KDM6A: variants seen among roughly 807,000 people sequenced by gnomAD.
KDM6A encodes the protein lysine-specific demethylase 6A.
Under a neutral mutation model 117.6 loss-of-function variants are expected in KDM6A, and 11 were observed. The observed-to-expected ratio is 0.09, with a 90% confidence interval of 0.06 to 0.15. KDM6A has a LOEUF of 0.15. KDM6A is among the 10% of genes least tolerant of loss of function. KDM6A has a pLI of 1.00. For synonymous variants in KDM6A, 384 were observed against 396.1 expected (o/e 0.97, Z 0.36); for missense variants, 799 against 1,077.3 (o/e 0.74, Z 3.62).
chrX:45,017,591 A>G (rs1320410518), intron 5 of KDM6A, among the ~76,000 whole-genome samples: 2 of 111,836 alleles, frequency 1.8e-5, no homozygotes, highest in African/African-American at 6.5e-5. Context: ...AGAACATGGA[A>G]AAGTTTAGAA....
In KDM6A at chrX:44,981,677, C is replaced by T. The variant is rs369216358; in HGVS notation, c.384+6962C>T. On this transcript the variant is annotated intron_variant, in intron 4 of 29. Transcript: ENST00000611820. Reference sequence around the variant, plus strand: ...TGCTTTGCTCTTTGCTGTGACCAGCCCCCATCCTGAAGCTACATAGGGGGC... The same window carrying T: ...TGCTTTGCTCTTTGCTGTGACCAGCTCCCATCCTGAAGCTACATAGGGGGC... 6.3e-5 allele frequency among the ~76,000 whole-genome samples: 7 copies of T among 111,509 alleles called. No homozygotes were observed. In the East Asian group the frequency reaches 1.7e-3, roughly 27 times the overall value.
chrX:45,047,674 CTTTTTTTTTTT>C (rs78749806), intron 8 of KDM6A, among the ~76,000 whole-genome samples: 20 of 36,358 alleles, frequency 5.5e-4, no homozygotes, highest in East Asian at 1.1e-3. Context: ...CTTTTTTTTT[CTTTTTTTTTTT>C]TTTTTTTTTT....
rs1039518770 is a variant in KDM6A at position 45,047,295 on chromosome X, G to A, written c.655-4414G>A. Among the ~76,000 whole-genome samples, 21 of 105,865 alleles carry A rather than the reference G, an allele frequency of 2.0e-4. No individual in the cohort carries two copies. The East Asian group carries it at 4.1e-3, about 21-fold the overall frequency. 91.9% of individuals were successfully genotyped at this position (105,865 alleles called of 115,157 possible). A position where few individuals can be genotyped will look rare whatever the true frequency, so the allele number is the denominator to read the frequency against. ...TGTCAAATATTTTTTCTGCTCCACCGTTTTTCTCTTCTTCTCGGACTCCAA... is the reference window on the plus strand; with the variant it reads ...TGTCAAATATTTTTTCTGCTCCACCATTTTTCTCTTCTTCTCGGACTCCAA... On this transcript the variant is annotated intron_variant, in intron 8 of 29. Transcript: ENST00000611820.
rs571287721 is a variant in KDM6A at position 44,908,964 on chromosome X, C to T, written c.225+34977C>T. Among the ~76,000 whole-genome samples the T allele has an allele frequency of 1.1e-4, 12 of 111,935 alleles. No individual in the cohort carries two copies. The South Asian group carries it at 3.3e-3, about 31-fold the overall frequency. On this transcript the variant is annotated intron_variant, in intron 2 of 29. Transcript: ENST00000611820. ...AAACTTGTTGAAGTGTAACATGAAC[C>T]CATTTGAGTTCACATATCACAAGTG...
At chrX:44,951,530 CTGTT>C (rs2038000942) in intron 2 of KDM6A, among the ~76,000 whole-genome samples, 1 of 110,906 alleles carries the variant, frequency 9.0e-6, no homozygotes, top group Non-Finnish European at 1.9e-5. Context: ...ATGTTTATGT[CTGTT>C]TATTTTTTAT....
chrX:44,978,185 A>G (rs1343412739), intron 4 of KDM6A, among the ~76,000 whole-genome samples: 1 of 112,223 alleles, frequency 8.9e-6, no homozygotes, highest in African/African-American at 3.2e-5. Context: ...GAATGGTTTA[A>G]TATTTTACAT....
At chrX:44,969,030 A>G (rs968585868) in intron 3 of KDM6A, among the ~76,000 whole-genome samples, 1 of 111,253 alleles carries the variant, frequency 9.0e-6, no homozygotes, top group African/African-American at 3.3e-5. Flanking sequence ...CAAAATTATA[A>G]ACAGAAATTA....
intron 28 of KDM6A, among the ~76,000 whole-genome samples, chrX:45,108,168 G>GA (rs1483887006): frequency 2.7e-5 from 3 of 111,215 alleles, no homozygotes; most frequent in African/African-American, 9.8e-5. Context: ...TCCATCCTTG[G>GA]AAAAAAGAGT....
At chrX:45,098,806 T>G (rs2046216498) in intron 27 of KDM6A, among the ~76,000 whole-genome samples, 1 of 111,822 alleles carries the variant, frequency 8.9e-6, no homozygotes, top group Non-Finnish European at 1.9e-5. Context: ...AACTTTAAGA[T>G]CAAGGGTACT....
At chrX:45,065,188 T>TC (rs2044475887) in intron 17 of KDM6A, among the ~76,000 whole-genome samples, 1 of 111,588 alleles carries the variant, frequency 9.0e-6, no homozygotes, top group Non-Finnish European at 1.9e-5. Context: ...CTATTTGTGA[T>TC]AAGATTGTTC....
Position 44,873,351 on chromosome X carries a change from C to A in KDM6A, c.-201C>A, listed in dbSNP as rs2031014285. On this transcript the variant is annotated 5_prime_UTR_variant, in exon 1 of 30. Coordinates refer to ENST00000611820, the MANE Select transcript of KDM6A (RefSeq NM_001291415.2). ...CAGCCGAAAGCCGCCGCTGCCGACC[C>A]GGGGGCTCCGCAGCCCCTGCCGCCG... is the stretch of plus-strand genomic sequence containing the variant. 5.8e-6 allele frequency: 3 copies of A among 513,833 alleles called. No homozygotes were observed. The highest frequency in any genetic ancestry group is 9.1e-6 in the Non-Finnish European group (3 of 328,662). The allele number at this position is 513,833 out of a possible 1,213,427, so 42.3% of individuals were successfully genotyped here.
intron 2 of KDM6A, among the ~76,000 whole-genome samples, chrX:44,922,761 G>T (rs2146898462): frequency 1.8e-5 from 2 of 112,878 alleles, no homozygotes; most frequent in South Asian, 7.2e-4. Flanking sequence ...GAGCCACTGC[G>T]CCCGGCCTAA....
At chrX:44,923,304 AT>A (rs1364407702) in intron 2 of KDM6A, among the ~76,000 whole-genome samples, 1 of 109,690 alleles carries the variant, frequency 9.1e-6, no homozygotes, top group Non-Finnish European at 1.9e-5. Flanking sequence ...AATTCGGAAA[AT>A]TTTTTGCTCT....
chrX:45,067,550 C>A lies in KDM6A; in HGVS notation c.2080-2029C>A, dbSNP rs1379844160. ...TTATGAGAAATTTTCATGTAACTTA[C>A]AAATTTCAACCTTCCTTTATTATGA... On this transcript the variant is annotated intron_variant, in intron 17 of 29. Coordinates refer to ENST00000611820, the MANE Select transcript of KDM6A (RefSeq NM_001291415.2). Among the ~76,000 whole-genome samples, 3 of 110,176 alleles carry A rather than the reference C, an allele frequency of 2.7e-5. No individual in the cohort carries two copies. The East Asian group carries it at 8.5e-4, about 31-fold the overall frequency.
chrX:45,015,195 G>A (rs925972849), intron 5 of KDM6A, among the ~76,000 whole-genome samples: 1 of 109,653 alleles, frequency 9.1e-6, no homozygotes, highest in African/African-American at 3.3e-5. Context: ...TCAACCTCCC[G>A]GGGCTCTAGT....
intron 8 of KDM6A, among the ~76,000 whole-genome samples, chrX:45,044,002 C>T (rs2043414804): frequency 9.0e-6 from 1 of 110,851 alleles, no homozygotes; most frequent in South Asian, 3.8e-4. Flanking sequence ...AGATATTTAC[C>T]ATTGTATTGT....
At chrX:45,093,374 CA>C (rs370028474) in intron 27 of KDM6A, among the ~76,000 whole-genome samples, 8 of 85,815 alleles carry the variant, frequency 9.3e-5, no homozygotes, top group Non-Finnish European at 1.6e-4. Flanking sequence ...GACTCTCTCT[CA>C]AAAAAAAAAC....
chrX:44,930,558 T>C (rs990529845), intron 2 of KDM6A, among the ~76,000 whole-genome samples: 32 of 111,897 alleles, frequency 2.9e-4, no homozygotes, highest in Non-Finnish European at 5.1e-4. Context: ...ATTCAAGATA[T>C]ACTCTTATTA....
Position 45,062,504 on chromosome X carries a change from G to C in KDM6A, c.1582-143G>C, listed in dbSNP as rs756325928. The C allele has an allele frequency of 6.6e-4, 312 of 470,883 alleles. 3 individuals are homozygous for C. In the African/African-American group the frequency reaches 6.9e-3, roughly 10 times the overall value. 38.8% of individuals were successfully genotyped at this position (470,883 alleles called of 1,213,427 possible). ...GCTTATTAAAGGACTTCATCTTGGA[G>C]TGTGTGACTGTTGGTCAGAAGACAG... On this transcript the variant is annotated intron_variant, in intron 15 of 29. Coordinates refer to ENST00000611820, the MANE Select transcript of KDM6A (RefSeq NM_001291415.2).
Sources: allele counts gnomAD v4.1 joint callset (sites outside exome capture counted in the v4.1 genomes callset), GRCh38; gene constraint gnomAD v4.1.1; transcripts MANE v1.5; gene names NCBI Gene and HGNC (gene_info 2026-07-23, HGNC 2026-07-21).